Variants in TMPRSS12 observed in about 807,000 individuals in gnomAD.
TMPRSS12 encodes transmembrane serine protease 12.
In TMPRSS12, 25 loss-of-function variants were observed where a neutral mutation model predicts 26.0. That is an observed-to-expected ratio of 0.96 (90% confidence interval 0.70 to 1.34). The LOEUF (loss-of-function observed/expected upper bound fraction) is 1.34. Among genes scored for constraint, TMPRSS12 ranks in the 40% most tolerant of loss-of-function variants. TMPRSS12 has a pLI of 0.00. For synonymous variants in TMPRSS12, 150 were observed against 161.7 expected, an observed-to-expected ratio of 0.93 and a Z score of 0.55; for missense variants, 441 against 440.1, an observed-to-expected ratio of 1.00 and a Z score of -0.02.
At chr12:50,867,139 T>C (rs1381638467) in intron 3 of TMPRSS12, among the ~76,000 whole-genome samples, 1 of 152,122 alleles carries the variant, frequency 6.6e-6, no homozygotes, top group Non-Finnish European at 1.5e-5. Flanking sequence ...AAGAAATCCC[T>C]GATTTAACTG....
chr12:50,872,405 C>T (rs964518525), intron 3 of TMPRSS12, among the ~76,000 whole-genome samples: 14 of 144,350 alleles, frequency 9.7e-5, no homozygotes, highest in African/African-American at 2.6e-4. Context: ...CCCAGCTACT[C>T]GGGAGGCTGA....
chr12:50,846,151 T>G (rs1937764554), intron 2 of TMPRSS12, among the ~76,000 whole-genome samples: 1 of 152,238 alleles, frequency 6.6e-6, no homozygotes, highest in South Asian at 2.1e-4. Context: ...GAAGTCAAAT[T>G]TATCTATTTT....
intron 3 of TMPRSS12, among the ~76,000 whole-genome samples, chr12:50,865,104 G>C (rs550311176): frequency 2.0e-5 from 3 of 152,280 alleles, no homozygotes; most frequent in African/African-American, 7.2e-5. Context: ...AGCCAAGGCA[G>C]GTGGATCACC....
At chr12:50,864,381 CTAATA>C (rs1369872750) in intron 3 of TMPRSS12, among the ~76,000 whole-genome samples, 8 of 151,952 alleles carry the variant, frequency 5.3e-5, no homozygotes, top group Non-Finnish European at 1.2e-4. Context: ...ACATACATAT[CTAATA>C]TAATTAAATA....
At chr12:50,876,456 C>T (rs1451808599) in intron 3 of TMPRSS12, among the ~76,000 whole-genome samples, 3 of 152,170 alleles carry the variant, frequency 2.0e-5, no homozygotes, top group African/African-American at 4.8e-5. Context: ...CTATGTTCAT[C>T]GCAGCACTGT....
intron 3 of TMPRSS12, among the ~76,000 whole-genome samples, chr12:50,872,987 TGATG>T (rs1565936179): frequency 1.3e-5 from 2 of 151,234 alleles, no homozygotes; most frequent in Non-Finnish European, 2.9e-5. Context: ...CGTATATATA[TGATG>T]GAATACTACT....
At position 50,843,947 on chromosome 12, in the gene TMPRSS12, A is replaced by C; in HGVS notation, c.293A>C (p.Lys98Thr). The change falls in exon 2 of 5, where the codon AAA (lysine) becomes ACA (threonine). Residue 98 changes from lysine to threonine, a missense_variant. Coordinates refer to ENST00000398458, the MANE Select transcript of TMPRSS12 (RefSeq NM_182559.3). ...CCGTGGGTGGTGAGCCTGCAGATTA[A>C]ATATGGCCGTGTTCTTGTTCATGTA... Reference protein sequence around the residue: ...AWPWVVSLQIKYGRVLVHVCG... With the variant: ...AWPWVVSLQITYGRVLVHVCG... The C allele has an allele frequency of 2.5e-6, 4 of 1,602,482 alleles. No homozygotes were observed. The highest frequency in any genetic ancestry group is 3.4e-6 in the Non-Finnish European group (4 of 1,174,534).
chr12:50,869,557 T>A (rs1027386704), intron 3 of TMPRSS12, among the ~76,000 whole-genome samples: 2 of 152,178 alleles, frequency 1.3e-5, no homozygotes, highest in African/African-American at 4.8e-5. Flanking sequence ...CATGGCAGAA[T>A]TCTACCAGAC....
intron 3 of TMPRSS12, among the ~76,000 whole-genome samples, chr12:50,865,508 T>C (rs1937982713): frequency 6.6e-6 from 1 of 152,048 alleles, no homozygotes; most frequent in South Asian, 2.1e-4. Context: ...AAATCTAATA[T>C]ACATCTAATG....
At chr12:50,884,400 C>T (rs1015597086) in intron 3 of TMPRSS12, among the ~76,000 whole-genome samples, 5 of 152,124 alleles carry the variant, frequency 3.3e-5, no homozygotes, top group South Asian at 4.1e-4. Context: ...ATACAGCCAG[C>T]ATAAGACCAT....
chr12:50,843,182 G>T, intron 1 of TMPRSS12, 31 bp downstream of exon 1: 2 of 1,520,376 alleles, frequency 1.3e-6, no homozygotes, highest in African/African-American at 1.4e-5. Flanking sequence ...TCTCTGGGGA[G>T]CCTCTCTTAC....
At chr12:50,853,998 C>T (rs1324772216) in intron 2 of TMPRSS12, among the ~76,000 whole-genome samples, 1 of 152,074 alleles carries the variant, frequency 6.6e-6, no homozygotes, top group Non-Finnish European at 1.5e-5. Flanking sequence ...ATTTTGATAA[C>T]TGAAACCTGC....
At chr12:50,867,781 C>T (rs1239885477) in intron 3 of TMPRSS12, among the ~76,000 whole-genome samples, 1 of 152,146 alleles carries the variant, frequency 6.6e-6, no homozygotes, top group Non-Finnish European at 1.5e-5. Context: ...AATTTTTCAG[C>T]AGGAACCCTA....
At position 50,848,567 on chromosome 12, in the gene TMPRSS12, A is replaced by G. The variant is rs994159206; in HGVS notation, c.383+4530A>G. On this transcript the variant is annotated intron_variant, in intron 2 of 4. Transcript: ENST00000398458. ...TGGCTTCCTTATAACATGAACTTAC[A>G]TATGATGTGTTATCATTCTACCTCA... 8.5e-5 allele frequency among the ~76,000 whole-genome samples: 13 copies of G among 152,202 alleles called. 1 individual carries two copies. Among genetic ancestry groups the G allele is most frequent in the Admixed American group, 8.5e-4 (13 of 15,292 alleles).
intron 2 of TMPRSS12, among the ~76,000 whole-genome samples, chr12:50,853,357 G>A (rs954433852): frequency 6.6e-6 from 1 of 151,918 alleles, no homozygotes; most frequent in Non-Finnish European, 1.5e-5. Flanking sequence ...GGTGCTAAAT[G>A]CCCACACCAA....
rs1339864428 is a variant in TMPRSS12, at chr12:50,872,686, G to GTA, written c.653-12560_653-12559insTA. 9.0e-4 allele frequency among the ~76,000 whole-genome samples: 96 copies of GTA among 106,942 alleles called. 4 individuals carry two copies. Among genetic ancestry groups the GTA allele is most frequent in the Non-Finnish European group, 1.1e-3 (58 of 53,252 alleles). The allele number at this position is 106,942 out of a possible 152,430, so 70.2% of individuals were successfully genotyped here. On this transcript the variant is annotated intron_variant, in intron 3 of 4. Transcript: ENST00000398458. The stretch of plus-strand genomic sequence containing the variant: ...ATATGTACATATATATGACGTATAT[G>GTA]CACATATATATGACGTATATGTGTA...
chr12:50,845,768 A>T (rs979250147), intron 2 of TMPRSS12, among the ~76,000 whole-genome samples: 1 of 152,168 alleles, frequency 6.6e-6, no homozygotes, highest in Non-Finnish European at 1.5e-5. Context: ...ATCAGTCTCT[A>T]TATTCCTAGC....
intron 3 of TMPRSS12, among the ~76,000 whole-genome samples, chr12:50,882,040 T>TATATA (rs1008545004): frequency 6.4e-5 from 8 of 124,302 alleles, no homozygotes; most frequent in African/African-American, 2.4e-4. Context: ...TATATATATA[T>TATATA]ATGTTTATTT....
chr12:50,871,117 A>T (rs1392875475), intron 3 of TMPRSS12, among the ~76,000 whole-genome samples: 1 of 152,158 alleles, frequency 6.6e-6, no homozygotes. Context: ...ATATGGAACC[A>T]AAAAAGAGCC....
Sources: allele counts gnomAD v4.1 joint callset (sites outside exome capture counted in the v4.1 genomes callset), GRCh38; gene constraint gnomAD v4.1.1; transcripts MANE v1.5; gene names NCBI Gene and HGNC (gene_info 2026-07-23, HGNC 2026-07-21).